The following ATAD3A variants were observed in gnomAD, a reference collection of about 807,000 sequenced individuals.
ATAD3A encodes the protein ATPase family AAA domain-containing protein 3A.
ATAD3A carries 46 observed loss-of-function variants against 73.8 expected under a neutral mutation model. The ratio of observed to expected loss-of-function variants is 0.62; its 90% CI spans 0.49 to 0.80. The LOEUF (loss-of-function observed/expected upper bound fraction) is 0.80. ATAD3A is among the 30% of genes least tolerant of loss of function. The pLI, the probability that ATAD3A is intolerant of heterozygous loss-of-function variation, is 0.00. For synonymous variants in ATAD3A, 319 were observed against 350.0 expected (o/e 0.91, Z 0.99); for missense variants, 705 against 838.0 (o/e 0.84, Z 1.96).
Position 1,523,891 on chromosome 1 carries a change from A to G in ATAD3A, c.1016A>G (p.Lys339Arg), listed in dbSNP as rs1641701534. The change falls in exon 10 of 16, where the codon AAG becomes AGG. Residue 339 changes from lysine to arginine, a missense_variant. By Grantham distance (26) the Lys-to-Arg change is conservative. Around this residue, in one of 5 missense-constraint regions of ATAD3A, gnomAD observed 315 missense variants for 334.1 expected, o/e 0.94. Coordinates refer to ENST00000378756, the MANE Select transcript of ATAD3A (RefSeq NM_001170535.3). This position sits in a 1 kb window ranked among gnomAD's most constrained non-coding sequence, Gnocchi z 5.1. ...ATCGCCATAGCAACAAGGAACACCA[A>G]GAAGAACCGCAGCCTGTACAGGAAC... Reference protein sequence around the residue: ...RDIAIATRNTKKNRSLYRNIL... With the variant: ...RDIAIATRNTRKNRSLYRNIL... 2 of 1,613,922 alleles carry G rather than the reference A, an allele frequency of 1.2e-6. No individual in the cohort carries two copies. Among genetic ancestry groups the G allele is most frequent in the African/African-American group, 1.3e-5 (1 of 74,930 alleles).
intron 15 of ATAD3A, 69 bp from the exon 16 acceptor site, chr1:1,533,857 G>T: frequency 6.4e-7 from 1 of 1,557,680 alleles, no homozygotes; most frequent in Non-Finnish European, 8.7e-7. Flanking sequence ...CCCACCTCGG[G>T]GCCCTGGCGT....
chr1:1,525,558 G>T (rs1055280260), intron 12 of ATAD3A, among the ~76,000 whole-genome samples: 4 of 151,944 alleles, frequency 2.6e-5, no homozygotes, highest in Admixed American at 2.6e-4. Flanking sequence ...GGGACTACAG[G>T]CTCCCGCCAC....
At chr1:1,512,592 C>T (rs1449959063) in intron 1 of ATAD3A, 119 bp downstream of exon 1, 18 of 1,405,484 alleles carry the variant, frequency 1.3e-5, no homozygotes, top group Non-Finnish European at 1.7e-5. Flanking sequence ...CGAGACTGCG[C>T]CCCCGGAGCA....
At chr1:1,533,713 G>T (rs1174876098) in intron 15 of ATAD3A, among the ~76,000 whole-genome samples, 1 of 151,736 alleles carries the variant, frequency 6.6e-6, no homozygotes, top group African/African-American at 2.4e-5. Context: ...CAACAGCAGT[G>T]CTGAGGACGC....
At chr1:1,513,511 G>C (rs1641263704) in intron 1 of ATAD3A, among the ~76,000 whole-genome samples, 1 of 151,630 alleles carries the variant, frequency 6.6e-6, no homozygotes, top group Non-Finnish European at 1.5e-5. Flanking sequence ...CCAGTGCCTT[G>C]GTCTGCCCTC....
chr1:1,516,423 A>G (rs1350552049), intron 2 of ATAD3A, among the ~76,000 whole-genome samples: 1 of 150,098 alleles, frequency 6.7e-6, no homozygotes, highest in Non-Finnish European at 1.5e-5. Context: ...ATTTCGTTTT[A>G]TTTATTTATT....
rs747834898 is a variant in ATAD3A at position 1,523,878 on chromosome 1, A to G, written c.1003A>G (p.Thr335Ala). The G allele has an allele frequency of 1.2e-6, 2 of 1,613,990 alleles. No individual in the cohort carries two copies. The highest frequency in any genetic ancestry group is 1.7e-6 in the Non-Finnish European group (2 of 1,179,980). The change falls in exon 10 of 16, where the codon ACA (threonine) becomes GCA (alanine). Residue 335 changes from threonine to alanine, a missense_variant. Thr to Ala is a moderately conservative substitution (Grantham distance 58). Around this residue, in one of 5 missense-constraint regions of ATAD3A, gnomAD observed 315 missense variants for 334.1 expected, o/e 0.94. Transcript: ENST00000378756. The surrounding 1 kb of genome is among the most constrained non-coding windows in gnomAD (Gnocchi z 5.1). ...EARVRDIAIA[T>A]RNTKKNRSLY... is the part of the protein sequence containing the mutation. ...ACGGGTGCGCGACATCGCCATAGCAACAAGGAACACCAAGAAGAACCGCAG... is the reference window on the plus strand; with the variant it reads ...ACGGGTGCGCGACATCGCCATAGCAGCAAGGAACACCAAGAAGAACCGCAG...
In ATAD3A at chr1:1,523,988, T is replaced by C. The variant is rs772233001; in HGVS notation, c.1089+24T>C. ...AGGTGAGAGCGCCTGGCTGAACAGG[T>C]GGGCCAGGGGCCGCTGGGGTCTCAC... On this transcript the variant is annotated intron_variant, in intron 10 of 15. Transcript: ENST00000378756. The surrounding 1 kb of genome is among the most constrained non-coding windows in gnomAD (Gnocchi z 5.1). 1 of 1,613,416 alleles carries C rather than the reference T, an allele frequency of 6.2e-7. No individual in the cohort carries two copies. The highest frequency in any genetic ancestry group is 1.1e-5 in the South Asian group (1 of 91,084).
intron 2 of ATAD3A, among the ~76,000 whole-genome samples, chr1:1,516,322 G>T (rs560258012): frequency 1.3e-5 from 2 of 152,118 alleles, no homozygotes; most frequent in Non-Finnish European, 2.9e-5. Context: ...CTGGTCGTCC[G>T]GAGGGAGGGC....
intron 15 of ATAD3A, among the ~76,000 whole-genome samples, chr1:1,530,824 G>A (rs1380885407): frequency 7.5e-5 from 4 of 53,680 alleles, no homozygotes; most frequent in Admixed American, 6.7e-4. Context: ...GCGAGACTCC[G>A]TCTCAAAAAA....
chr1:1,523,610 C>A lies in ATAD3A; in HGVS notation c.963+43C>A. The A allele has an allele frequency of 6.2e-7, 1 of 1,611,518 alleles. No individual in the cohort carries two copies. Among genetic ancestry groups the A allele is most frequent in the Admixed American group, 1.7e-5 (1 of 59,858 alleles). On this transcript the variant is annotated intron_variant, in intron 9 of 15. Coordinates refer to ENST00000378756, the MANE Select transcript of ATAD3A (RefSeq NM_001170535.3). This position sits in a 1 kb window ranked among gnomAD's most constrained non-coding sequence, Gnocchi z 5.1. ...GGACCGGGGAGGCGCAGGGAGGGGA[C>A]CCTGGAGCTGGGCCGGGCTGTGGCC...
intron 13 of ATAD3A, 59 bp from the exon 14 acceptor site, chr1:1,527,636 C>G (rs1641893967): frequency 1.3e-6 from 2 of 1,546,508 alleles, no homozygotes; most frequent in Non-Finnish European, 1.7e-6. Context: ...AGGCCCCGTT[C>G]CCCTTGGTGC....
At chr1:1,516,463 G>C (rs1641361915) in intron 2 of ATAD3A, among the ~76,000 whole-genome samples, 1 of 152,076 alleles carries the variant, frequency 6.6e-6, no homozygotes, top group South Asian at 2.1e-4. Flanking sequence ...TCCCAGGCTG[G>C]AGTTCTGTGG....
chr1:1,520,491 C>T lies in ATAD3A; in HGVS notation c.681-57C>T, dbSNP rs563698867. 15 of 1,613,834 alleles carry T rather than the reference C, an allele frequency of 9.3e-6. No homozygotes were observed. The highest frequency in any genetic ancestry group is 1.3e-5 in the African/African-American group (1 of 75,076). On this transcript the variant is annotated intron_variant, in intron 6 of 15. Transcript: ENST00000378756. The surrounding 1 kb of genome is among the most constrained non-coding windows in gnomAD (Gnocchi z 4.0). ...CAGGGCCTCACCCTCAACCTGCTCT[C>T]GCTGCGTGGCACGGATCTTCGTGTC...
Position 1,518,786 on chromosome 1 carries a change from C to A in ATAD3A, c.445-135C>A. ...TGCACATTCGGGCACCGTCACCCCCCGCAAACGGGCACCGTCACACCCCGC... is the reference window on the plus strand; with the variant it reads ...TGCACATTCGGGCACCGTCACCCCCAGCAAACGGGCACCGTCACACCCCGC... On this transcript the variant is annotated intron_variant, in intron 4 of 15. Coordinates refer to ENST00000378756, the MANE Select transcript of ATAD3A (RefSeq NM_001170535.3). 2.6e-6 allele frequency: 4 copies of A among 1,547,832 alleles called. No homozygotes were observed. The Admixed American group carries it at 7.3e-5, about 28-fold the overall frequency.
chr1:1,515,828 G>A (rs112465899), intron 1 of ATAD3A, among the ~76,000 whole-genome samples, 184 bp from the exon 2 acceptor site: 7,443 of 152,292 alleles, frequency 0.049, 226 homozygotes, highest in Middle Eastern at 0.12. Context: ...GCATCAGGCC[G>A]TGTGCTGGGG....
chr1:1,520,624 A>T lies in ATAD3A; in HGVS notation c.750+7A>T. The T allele has an allele frequency of 6.2e-7, 1 of 1,613,320 alleles. No individual in the cohort carries two copies. The highest frequency in any genetic ancestry group is 1.1e-5 in the South Asian group (1 of 91,040). On this transcript the variant is annotated splice_region_variant and intron_variant, in intron 7 of 15. Coordinates refer to ENST00000378756, the MANE Select transcript of ATAD3A (RefSeq NM_001170535.3). This position sits in a 1 kb window ranked among gnomAD's most constrained non-coding sequence, Gnocchi z 4.0. ...GGACAAAGTGACAGCCACGGTAAAC[A>T]TACTCATAAAACAGGGCTGGCAGGT...
chr1:1,518,512 C>T (rs1340473399), intron 4 of ATAD3A, among the ~76,000 whole-genome samples: 6 of 103,148 alleles, frequency 5.8e-5, no homozygotes, highest in Admixed American at 2.1e-4. Context: ...ACAACCCCCC[C>T]ACATGGGCGC....
chr1:1,520,872 G>T lies in ATAD3A; in HGVS notation c.750+255G>T, dbSNP rs1489463519. ...AAATCAAATATTAGCTGGGTGTGGT[G>T]GCAGCCCCTGTGGTCCCACTACTCA... On this transcript the variant is annotated intron_variant, in intron 7 of 15. Coordinates refer to ENST00000378756, the MANE Select transcript of ATAD3A (RefSeq NM_001170535.3). This position sits in a 1 kb window ranked among gnomAD's most constrained non-coding sequence, Gnocchi z 4.0. Among the ~76,000 whole-genome samples the T allele has an allele frequency of 6.6e-6, 1 of 152,054 alleles. No individual in the cohort carries two copies. The highest frequency in any genetic ancestry group is 2.4e-5 in the African/African-American group (1 of 41,390).
Sources: allele counts gnomAD v4.1 joint callset (sites outside exome capture counted in the v4.1 genomes callset), GRCh38; gene constraint gnomAD v4.1.1; regional missense constraint gnomAD v4.1.1; non-coding constraint Gnocchi (gnomAD v3.1); transcripts MANE v1.5; gene names NCBI Gene and HGNC (gene_info 2026-07-23, HGNC 2026-07-21).